Variants in PTPRM observed in about 807,000 individuals in gnomAD.
PTPRM encodes protein tyrosine phosphatase receptor type M, also known as receptor-type tyrosine-protein phosphatase mu.
A neutral mutation model predicts 186.7 loss-of-function variants in PTPRM; 47 were observed. That is an observed-to-expected ratio of 0.25 (90% CI 0.20 to 0.32). The LOEUF (loss-of-function observed/expected upper bound fraction) is 0.32. PTPRM is among the 10% of genes least tolerant of loss of function. The probability of loss-of-function intolerance (pLI) is 1.00; values close to 1 mark genes in which losing one functional copy is unlikely to be tolerated. For synonymous variants in PTPRM, 668 were observed against 674.9 expected (o/e 0.99, Z 0.16); for missense variants, 1,494 against 1,865.0 (o/e 0.80, Z 3.66).
At chr18:7,810,185 C>T (rs1317316908) in intron 2 of PTPRM, among the ~76,000 whole-genome samples, 4 of 152,194 alleles carry the variant, frequency 2.6e-5, no homozygotes, top group South Asian at 4.1e-4. Context: ...CCACCTTTCT[C>T]GAGCTCTAGT....
chr18:8,266,049 G>A (rs1324968721), intron 19 of PTPRM, among the ~76,000 whole-genome samples: 1 of 152,026 alleles, frequency 6.6e-6, no homozygotes, highest in African/African-American at 2.4e-5. Flanking sequence ...TGAATGAGGT[G>A]GTTTCTATCC....
chr18:7,945,338 C>T (rs114038462), intron 5 of PTPRM, among the ~76,000 whole-genome samples: 3,255 of 151,260 alleles, frequency 0.022, 45 homozygotes, highest in African/African-American at 0.044. Context: ...GTGGCGGGCA[C>T]GTGTAGTCCC....
At chr18:8,050,949 C>T (rs1314058946) in intron 7 of PTPRM, among the ~76,000 whole-genome samples, 2 of 152,104 alleles carry the variant, frequency 1.3e-5, no homozygotes, top group East Asian at 3.9e-4. Context: ...AACAACTGTA[C>T]CCAAGTGTCA....
chr18:7,945,822 G>A (rs2052485783), intron 5 of PTPRM, among the ~76,000 whole-genome samples: 2 of 152,158 alleles, frequency 1.3e-5, no homozygotes, highest in South Asian at 2.1e-4. Context: ...TTGGTTGAAC[G>A]AATGCCTGAA....
chr18:7,584,522 C>A (rs1031205588), intron 1 of PTPRM, among the ~76,000 whole-genome samples: 3 of 151,866 alleles, frequency 2.0e-5, no homozygotes, highest in Non-Finnish European at 4.4e-5. Context: ...TTTTTGGCTA[C>A]CTAAAATAAA....
chr18:7,729,944 C>T (rs2040623451), intron 1 of PTPRM, among the ~76,000 whole-genome samples: 1 of 152,056 alleles, frequency 6.6e-6, no homozygotes, highest in Non-Finnish European at 1.5e-5. Context: ...TCTACATGTA[C>T]TTTCAGGCTT....
At chr18:7,608,047 C>T (rs1010731470) in intron 1 of PTPRM, among the ~76,000 whole-genome samples, 1 of 152,150 alleles carries the variant, frequency 6.6e-6, no homozygotes, top group African/African-American at 2.4e-5. Context: ...ACCCTAAAGC[C>T]TTTCACTCCC....
At chr18:8,247,579 C>G (rs914392661) in intron 15 of PTPRM, among the ~76,000 whole-genome samples, 1 of 152,204 alleles carries the variant, frequency 6.6e-6, no homozygotes, top group South Asian at 2.1e-4. Flanking sequence ...ATGAATTTCT[C>G]TATCCAAAAT....
intron 1 of PTPRM, among the ~76,000 whole-genome samples, chr18:7,620,260 C>T (rs2143961383): frequency 6.6e-6 from 1 of 152,270 alleles, no homozygotes; most frequent in East Asian, 1.9e-4. Context: ...TTGTCTGTTT[C>T]CCATAGGTTT....
chr18:7,591,135 A>C (rs1296395087), intron 1 of PTPRM, among the ~76,000 whole-genome samples: 1 of 152,252 alleles, frequency 6.6e-6, no homozygotes, highest in Non-Finnish European at 1.5e-5. Flanking sequence ...TAAAACACAA[A>C]ACATACAAAA....
intron 1 of PTPRM, among the ~76,000 whole-genome samples, chr18:7,622,064 C>T (rs1479382641): frequency 2.0e-5 from 3 of 152,100 alleles, no homozygotes; most frequent in African/African-American, 7.2e-5. Context: ...AGTGGCTAGA[C>T]CATTTCTCAT....
At chr18:8,067,145 T>G (rs559384125) in intron 7 of PTPRM, among the ~76,000 whole-genome samples, 1 of 152,324 alleles carries the variant, frequency 6.6e-6, no homozygotes, top group East Asian at 1.9e-4. Flanking sequence ...GTCAGTAAAA[T>G]TGATGAAAAC....
chr18:8,117,445 T>C (rs1458289641), intron 13 of PTPRM, among the ~76,000 whole-genome samples: 1 of 152,232 alleles, frequency 6.6e-6, no homozygotes, highest in Non-Finnish European at 1.5e-5. Context: ...TTGTTTTCAC[T>C]AAGAGCTAGC....
At chr18:7,961,681 A>G (rs1359389688) in intron 7 of PTPRM, among the ~76,000 whole-genome samples, 2 of 152,196 alleles carry the variant, frequency 1.3e-5, no homozygotes, top group Admixed American at 6.5e-5. Flanking sequence ...GAGCCATCCC[A>G]TCCACAGCTA....
chr18:8,290,892 T>C (rs991746791), intron 19 of PTPRM, among the ~76,000 whole-genome samples: 10 of 152,200 alleles, frequency 6.6e-5, no homozygotes, highest in Non-Finnish European at 1.3e-4. Flanking sequence ...ATCTAGTGTT[T>C]TTTTCATAAT....
chr18:8,252,629 C>G, intron 18 of PTPRM, 130 bp downstream of exon 18: 1 of 877,344 alleles, frequency 1.1e-6, no homozygotes, highest in East Asian at 2.4e-5. Context: ...GTAGAACATT[C>G]CATGTGTGAT....
At chr18:8,169,414 G>A (rs536528144) in intron 14 of PTPRM, among the ~76,000 whole-genome samples, 3 of 152,064 alleles carry the variant, frequency 2.0e-5, no homozygotes, top group South Asian at 2.1e-4. Context: ...CAGTTGTGGG[G>A]GTGAAGGAAA....
At chr18:8,310,889 C>G (rs1313543827) in intron 20 of PTPRM, among the ~76,000 whole-genome samples, 1 of 152,110 alleles carries the variant, frequency 6.6e-6, no homozygotes, top group African/African-American at 2.4e-5. Context: ...GAGGGGACAT[C>G]TGAGTTGAAT....
intron 1 of PTPRM, among the ~76,000 whole-genome samples, chr18:7,723,464 T>G (rs747639775): frequency 6.6e-6 from 1 of 152,180 alleles, no homozygotes; most frequent in Non-Finnish European, 1.5e-5. Context: ...ACCTGGCTGG[T>G]GTGAGTGCCC....
Sources: allele counts gnomAD v4.1 joint callset (sites outside exome capture counted in the v4.1 genomes callset), GRCh38; gene constraint gnomAD v4.1.1; transcripts MANE v1.5; gene names NCBI Gene and HGNC (gene_info 2026-07-23, HGNC 2026-07-21).